Variants in PDE3A observed in about 807,000 individuals in gnomAD.
PDE3A encodes the protein cGMP-inhibited 3',5'-cyclic phosphodiesterase 3A.
A neutral mutation model predicts 98.3 loss-of-function variants in PDE3A; 43 were observed. The ratio of observed to expected loss-of-function variants is 0.44; its 90% CI spans 0.34 to 0.56. The LOEUF (loss-of-function observed/expected upper bound fraction) is 0.56, where lower values mean the gene tolerates loss of function less well. PDE3A is among the 20% of genes least tolerant of loss of function. PDE3A has a pLI of 0.01. For missense variants in PDE3A, 1,427 were observed against 1,440.7 expected (o/e 0.99, Z 0.15); for synonymous variants, 663 against 567.9 (o/e 1.17, Z -2.38).
chr12:20,572,110 C>T, intron 2 of PDE3A: 1 of 1,273,152 alleles, frequency 7.9e-7, no homozygotes, highest in Middle Eastern at 2.3e-4. Flanking sequence ...TAAAGAACAT[C>T]TCATTACTGA....
chr12:20,633,301 T>G (rs991556429), intron 6 of PDE3A, among the ~76,000 whole-genome samples: 2 of 152,144 alleles, frequency 1.3e-5, no homozygotes, highest in Non-Finnish European at 2.9e-5. Flanking sequence ...AAGGTATTTA[T>G]TGGGGAAGAT....
intron 1 of PDE3A, among the ~76,000 whole-genome samples, chr12:20,491,437 G>C (rs769958491): frequency 6.6e-6 from 1 of 152,170 alleles, no homozygotes; most frequent in Non-Finnish European, 1.5e-5. Flanking sequence ...TGTTGTCATG[G>C]TGATTGTAAA....
At chr12:20,409,601 G>A (rs1013413328) in intron 1 of PDE3A, among the ~76,000 whole-genome samples, 4 of 152,088 alleles carry the variant, frequency 2.6e-5, no homozygotes, top group African/African-American at 4.8e-5. Flanking sequence ...GTGATCTTAC[G>A]AAATATTATA....
intron 2 of PDE3A, 94 bp from the exon 3 acceptor site, chr12:20,613,349 C>G: frequency 1.8e-6 from 2 of 1,122,178 alleles, no homozygotes; most frequent in South Asian, 2.7e-5. Flanking sequence ...AGAATCAGCC[C>G]AATTCATTTC....
chr12:20,488,151 A>G (rs1297011667), intron 1 of PDE3A, among the ~76,000 whole-genome samples: 1 of 152,042 alleles, frequency 6.6e-6, no homozygotes, highest in Non-Finnish European at 1.5e-5. Flanking sequence ...GGGGCACTAT[A>G]TTATCCTTTT....
chr12:20,673,285 A>G (rs2120441825), intron 15 of PDE3A, among the ~76,000 whole-genome samples: 1 of 151,104 alleles, frequency 6.6e-6, no homozygotes, highest in African/African-American at 2.4e-5. Context: ...TGTGGAAGTC[A>G]GTGTGGCGAT....
chr12:20,609,662 T>C (rs925071463), intron 2 of PDE3A, among the ~76,000 whole-genome samples: 41 of 151,978 alleles, frequency 2.7e-4, no homozygotes, highest in African/African-American at 9.9e-4. Flanking sequence ...TACAAATCTA[T>C]AGTAATCAAA....
intron 13 of PDE3A, 103 bp from the exon 14 acceptor site, chr12:20,650,342 C>T: frequency 1.6e-6 from 1 of 628,760 alleles, no homozygotes; most frequent in Non-Finnish European, 2.7e-6. Context: ...GTATTATGAT[C>T]CCTATATAAT....
chr12:20,614,325 T>G (rs1163647816), intron 3 of PDE3A, among the ~76,000 whole-genome samples: 1 of 152,174 alleles, frequency 6.6e-6, no homozygotes, highest in Non-Finnish European at 1.5e-5. Context: ...TGTAGGAGGA[T>G]CCTCACCCAG....
rs531921197 is a variant in PDE3A at position 20,500,840 on chromosome 12, T to G, written c.961-55820T>G. ...TGGAGTACAGTGGCGCCATCTCAGC[T>G]CACTGCAGCCTCGACCTCCTGGGTT... is the stretch of plus-strand genomic sequence containing the variant. On this transcript the variant is annotated intron_variant, in intron 1 of 15. Coordinates refer to ENST00000359062, the MANE Select transcript of PDE3A (RefSeq NM_000921.5). Among the ~76,000 whole-genome samples, 6 of 150,358 alleles carry G rather than the reference T, an allele frequency of 4.0e-5. No homozygotes were observed. The South Asian group carries it at 1.3e-3, about 32-fold the overall frequency.
At chr12:20,472,922 T>A (rs6487093) in intron 1 of PDE3A, among the ~76,000 whole-genome samples, 112,809 of 151,654 alleles carry the variant, frequency 0.74, 42,451 homozygotes, top group East Asian at 0.98. Context: ...TTATTCACCA[T>A]CATGGTAAAT....
At position 20,646,779 on chromosome 12, in the gene PDE3A, T is replaced by C; in HGVS notation, c.2394T>C (p.His798=). ...CTGACAGTGGATTTACACATGGACA[T>C]ATGGGATATGTATTCTCAAAAACGT... ...SDSDSGFTHG[H]MGYVFSKTYN... The change falls in exon 12 of 16, where the codon CAT becomes CAC. Residue 798 remains histidine (H), a synonymous_variant. Coordinates refer to ENST00000359062, the MANE Select transcript of PDE3A (RefSeq NM_000921.5). 6.2e-7 allele frequency: 1 copy of C among 1,609,236 alleles called. No individual in the cohort carries two copies. Among genetic ancestry groups the C allele is most frequent in the African/African-American group, 1.3e-5 (1 of 74,942 alleles).
chr12:20,444,267 TG>T (rs1385056864), intron 1 of PDE3A, among the ~76,000 whole-genome samples: 1 of 152,180 alleles, frequency 6.6e-6, no homozygotes, highest in African/African-American at 2.4e-5. Flanking sequence ...GCTCCTGACC[TG>T]TCCATCACGA....
At chr12:20,647,401 A>G (rs1944800940) in intron 12 of PDE3A, among the ~76,000 whole-genome samples, 1 of 144,972 alleles carries the variant, frequency 6.9e-6, no homozygotes, top group Non-Finnish European at 1.5e-5. Context: ...TAGGATTTTA[A>G]TATCAATTTA....
chr12:20,633,887 A>T, intron 7 of PDE3A, 109 bp downstream of exon 7: 1 of 633,150 alleles, frequency 1.6e-6, no homozygotes. Flanking sequence ...GCGCTGGGAG[A>T]CGGGGTCTCA....
intron 5 of PDE3A, among the ~76,000 whole-genome samples, chr12:20,623,204 G>A (rs1485521431): frequency 6.6e-6 from 1 of 151,962 alleles, no homozygotes; most frequent in Non-Finnish European, 1.5e-5. Flanking sequence ...GAATTGGGAA[G>A]TATAATAGAT....
At chr12:20,616,518 A>C (rs1028514638) in intron 4 of PDE3A, 134 bp downstream of exon 4, 6 of 739,240 alleles carry the variant, frequency 8.1e-6, no homozygotes, top group African/African-American at 5.3e-5. Context: ...GAAAGGGTAC[A>C]TGGTTCAAAT....
At chr12:20,421,629 CT>C (rs1401683675) in intron 1 of PDE3A, among the ~76,000 whole-genome samples, 1 of 150,364 alleles carries the variant, frequency 6.7e-6, no homozygotes, top group Non-Finnish European at 1.5e-5. Flanking sequence ...CCCATGCTCA[CT>C]TTTGTGCTTG....
At position 20,514,078 on chromosome 12, in the gene PDE3A, C is replaced by G. The variant is rs567175437; in HGVS notation, c.961-42582C>G. ...ATAACATGGGAATAGGTAAAAATCC[C>G]AGTGCCCAGGTTTCACCCTAAAATA... On this transcript the variant is annotated intron_variant, in intron 1 of 15. Transcript: ENST00000359062. 2.6e-5 allele frequency among the ~76,000 whole-genome samples: 4 copies of G among 152,276 alleles called. No individual in the cohort carries two copies. The South Asian group carries it at 8.3e-4, about 32-fold the overall frequency.
Sources: allele counts gnomAD v4.1 joint callset (sites outside exome capture counted in the v4.1 genomes callset), GRCh38; gene constraint gnomAD v4.1.1; transcripts MANE v1.5; gene names NCBI Gene and HGNC (gene_info 2026-07-23, HGNC 2026-07-21).